The following CNTN5 variants were observed in gnomAD, a reference collection of about 807,000 sequenced individuals.
CNTN5 encodes the protein contactin 5.
Under a neutral mutation model 129.1 loss-of-function variants are expected in CNTN5, and 77 were observed. The observed-to-expected ratio is 0.60, with a 90% CI of 0.50 to 0.72. The LOEUF is 0.72. Among genes scored for constraint, CNTN5 ranks in the 30% least tolerant of loss-of-function variants. The pLI, the probability that CNTN5 is intolerant of heterozygous loss-of-function variation, is 0.00. For synonymous variants in CNTN5, 509 were observed against 465.6 expected (o/e 1.09, Z -1.20); for missense variants, 1,478 against 1,328.8 (o/e 1.11, Z -1.75).
At chr11:99,101,916 C>T (rs751668558) in intron 1 of CNTN5, among the ~76,000 whole-genome samples, 93 of 152,320 alleles carry the variant, frequency 6.1e-4, no homozygotes, top group Admixed American at 1.1e-3. Context: ...CCACATTTGC[C>T]TTCTGCACTT....
At chr11:99,985,977 C>G (rs1296757341) in intron 8 of CNTN5, among the ~76,000 whole-genome samples, 2 of 152,136 alleles carry the variant, frequency 1.3e-5, no homozygotes, top group Non-Finnish European at 2.9e-5. Flanking sequence ...ATCAATTATT[C>G]TACCTTCATC....
intron 3 of CNTN5, among the ~76,000 whole-genome samples, chr11:99,673,997 G>C (rs1304642753): frequency 6.6e-6 from 1 of 152,070 alleles, no homozygotes; most frequent in African/African-American, 2.4e-5. Context: ...TGGGTCAAAT[G>C]GTATTTCTGT....
At chr11:99,254,473 A>T (rs1317033842) in intron 1 of CNTN5, among the ~76,000 whole-genome samples, 4 of 151,858 alleles carry the variant, frequency 2.6e-5, no homozygotes, top group Non-Finnish European at 5.9e-5. Flanking sequence ...GAGGAAATAG[A>T]TTTTGCATCA....
At chr11:99,326,737 G>GA (rs1303473529) in intron 2 of CNTN5, among the ~76,000 whole-genome samples, 4 of 151,792 alleles carry the variant, frequency 2.6e-5, no homozygotes, top group Admixed American at 2.0e-4. Context: ...CCACATAAAA[G>GA]AAAAAAATTT....
At chr11:99,669,559 T>C (rs1952950946) in intron 3 of CNTN5, among the ~76,000 whole-genome samples, 1 of 152,052 alleles carries the variant, frequency 6.6e-6, no homozygotes, top group Non-Finnish European at 1.5e-5. Flanking sequence ...AGGAAATGTA[T>C]GTAGGAAAGT....
At chr11:100,217,950 G>A (rs1169887356) in intron 15 of CNTN5, among the ~76,000 whole-genome samples, 2 of 152,168 alleles carry the variant, frequency 1.3e-5, no homozygotes, top group African/African-American at 2.4e-5. Context: ...TTAAAAGTGA[G>A]GTTGAGAGTC....
chr11:99,920,501 T>G (rs78973858), intron 7 of CNTN5, among the ~76,000 whole-genome samples: 2,809 of 152,310 alleles, frequency 0.018, 32 homozygotes, highest in Non-Finnish European at 0.029. Flanking sequence ...CATGTCTAAA[T>G]CTGAACTCCT....
intron 3 of CNTN5, among the ~76,000 whole-genome samples, chr11:99,768,162 G>A (rs1228363599): frequency 1.3e-5 from 2 of 152,022 alleles, no homozygotes; most frequent in African/African-American, 2.4e-5. Flanking sequence ...CCTTGATTTA[G>A]ATTCACCAGT....
chr11:100,044,172 A>G (rs896688194), intron 9 of CNTN5, among the ~76,000 whole-genome samples: 14 of 4,330 alleles, frequency 3.2e-3, no homozygotes, highest in Admixed American at 0.026. Context: ...CATATCATGT[A>G]TATATATATA....
At chr11:100,113,178 T>C (rs774317059) in intron 13 of CNTN5, among the ~76,000 whole-genome samples, 1 of 151,624 alleles carries the variant, frequency 6.6e-6, no homozygotes, top group Non-Finnish European at 1.5e-5. Flanking sequence ...CCATAGCCAC[T>C]GTTGAACATT....
intron 7 of CNTN5, among the ~76,000 whole-genome samples, chr11:99,923,043 T>C (rs922630323): frequency 2.6e-5 from 4 of 152,184 alleles, no homozygotes; most frequent in African/African-American, 9.7e-5. Flanking sequence ...AGTTTACACA[T>C]CAGAGAATAT....
At chr11:99,698,510 T>G (rs1954371456) in intron 3 of CNTN5, among the ~76,000 whole-genome samples, 1 of 151,510 alleles carries the variant, frequency 6.6e-6, no homozygotes, top group Admixed American at 6.6e-5. Context: ...ATGCATTTAC[T>G]GACTGTAGTT....
intron 15 of CNTN5, among the ~76,000 whole-genome samples, chr11:100,204,051 C>A (rs1948852636): frequency 6.6e-6 from 1 of 151,462 alleles, no homozygotes. Flanking sequence ...TTCCATTATA[C>A]CTTACAGATC....
intron 13 of CNTN5, among the ~76,000 whole-genome samples, chr11:100,175,650 C>T (rs901073183): frequency 6.6e-6 from 1 of 152,012 alleles, no homozygotes; most frequent in South Asian, 2.1e-4. Flanking sequence ...AATCAAAGAG[C>T]CTGGTTGAAA....
intron 13 of CNTN5, among the ~76,000 whole-genome samples, chr11:100,077,702 G>C (rs559714023): frequency 2.6e-5 from 4 of 151,858 alleles, no homozygotes; most frequent in Admixed American, 2.6e-4. Context: ...AAATAGTCAG[G>C]CATGGTGGTG....
At chr11:99,774,947 TG>T (rs1285741110) in intron 3 of CNTN5, among the ~76,000 whole-genome samples, 1 of 152,128 alleles carries the variant, frequency 6.6e-6, no homozygotes, top group African/African-American at 2.4e-5. Flanking sequence ...ATATTTTATT[TG>T]GATCTATTTT....
At chr11:99,962,771 C>G (rs1232152037) in intron 8 of CNTN5, among the ~76,000 whole-genome samples, 1 of 151,764 alleles carries the variant, frequency 6.6e-6, no homozygotes, top group Non-Finnish European at 1.5e-5. Context: ...TACATTCCCA[C>G]CAACAGTGTA....
chr11:100,179,286 T>G (rs1449963501), intron 13 of CNTN5, among the ~76,000 whole-genome samples: 1 of 152,116 alleles, frequency 6.6e-6, no homozygotes, highest in Non-Finnish European at 1.5e-5. Flanking sequence ...TGAGTTCAAC[T>G]GCTTTAATTT....
chr11:100,134,459 A>G (rs1334350162), intron 13 of CNTN5, among the ~76,000 whole-genome samples: 1 of 152,202 alleles, frequency 6.6e-6, no homozygotes, highest in Non-Finnish European at 1.5e-5. Flanking sequence ...GATAATGAAT[A>G]TAAAGTGCTT....
Sources: allele counts gnomAD v4.1 joint callset (sites outside exome capture counted in the v4.1 genomes callset), GRCh38; gene constraint gnomAD v4.1.1; transcripts MANE v1.5; gene names NCBI Gene and HGNC (gene_info 2026-07-23, HGNC 2026-07-21).